Variants in ATRNL1 observed in about 807,000 individuals in gnomAD.
ATRNL1 encodes the protein attractin like 1.
ATRNL1 carries 95 observed loss-of-function variants against 182.7 expected under a neutral mutation model. The observed-to-expected ratio is 0.52, with a 90% CI of 0.44 to 0.62. The LOEUF (loss-of-function observed/expected upper bound fraction) is 0.62, where lower values mean the gene tolerates loss of function less well. Ranked by LOEUF, ATRNL1 falls within the 20% of genes least tolerant of loss-of-function variation. The pLI, the probability that ATRNL1 is intolerant of heterozygous loss-of-function variation, is 0.00. For synonymous variants in ATRNL1, 576 were observed against 568.3 expected, an observed-to-expected ratio of 1.01 and a Z score of -0.19; for missense variants, 1,471 against 1,679.5, an observed-to-expected ratio of 0.88 and a Z score of 2.17.
intron 28 of ATRNL1, among the ~76,000 whole-genome samples, chr10:115,929,696 C>G (rs2134588814): frequency 6.6e-6 from 1 of 152,090 alleles, no homozygotes; most frequent in Middle Eastern, 3.4e-3. Context: ...TAGTTTTTAT[C>G]TTGGCTGCCT....
intron 26 of ATRNL1, among the ~76,000 whole-genome samples, chr10:115,722,001 C>T (rs1333745070): frequency 1.3e-5 from 2 of 152,052 alleles, no homozygotes; most frequent in Non-Finnish European, 2.9e-5. Context: ...GAAAAAATAA[C>T]TAATCTTAAG....
At chr10:115,372,583 A>C (rs1186708042) in intron 19 of ATRNL1, among the ~76,000 whole-genome samples, 1 of 152,170 alleles carries the variant, frequency 6.6e-6, no homozygotes, top group African/African-American at 2.4e-5. Flanking sequence ...TTTCATTCTT[A>C]TGCATGTAAA....
At chr10:115,415,307 G>A (rs557080152) in intron 20 of ATRNL1, among the ~76,000 whole-genome samples, 1 of 151,994 alleles carries the variant, frequency 6.6e-6, no homozygotes, top group South Asian at 2.1e-4. Flanking sequence ...TTTTCATGTG[G>A]TTAAGAGCCA....
At chr10:115,210,853 T>A (rs529598171) in intron 8 of ATRNL1, among the ~76,000 whole-genome samples, 2 of 152,148 alleles carry the variant, frequency 1.3e-5, no homozygotes, top group Non-Finnish European at 2.9e-5. Flanking sequence ...ATTTACCACC[T>A]CAGGTGAGAT....
intron 19 of ATRNL1, among the ~76,000 whole-genome samples, chr10:115,393,553 G>A (rs1554954840): frequency 6.6e-6 from 1 of 152,116 alleles, no homozygotes; most frequent in African/African-American, 2.4e-5. Context: ...AAGAACAGCA[G>A]TAGTTCTCAT....
At chr10:115,232,837 T>C (rs1850014922) in intron 9 of ATRNL1, among the ~76,000 whole-genome samples, 1 of 152,168 alleles carries the variant, frequency 6.6e-6, no homozygotes, top group African/African-American at 2.4e-5. Context: ...ATATTTTATA[T>C]GCTTTTCTAG....
chr10:115,595,781 G>C (rs1011611046), intron 26 of ATRNL1, among the ~76,000 whole-genome samples: 12 of 18,588 alleles, frequency 6.5e-4, no homozygotes, highest in Admixed American at 2.1e-3. Context: ...TTACAATTTG[G>C]TCTCAATTTG....
At chr10:115,448,854 C>CCACCAA (rs377116036) in intron 21 of ATRNL1, among the ~76,000 whole-genome samples, 4 of 150,104 alleles carry the variant, frequency 2.7e-5, no homozygotes, top group African/African-American at 9.8e-5. Context: ...AGCGTGCCAA[C>CCACCAA]CAACAACAAC....
intron 26 of ATRNL1, among the ~76,000 whole-genome samples, chr10:115,680,896 C>A (rs1448434617): frequency 6.6e-6 from 1 of 152,070 alleles, no homozygotes; most frequent in Non-Finnish European, 1.5e-5. Flanking sequence ...ACACTTGGGA[C>A]ATTTATTAGA....
intron 27 of ATRNL1, among the ~76,000 whole-genome samples, chr10:115,817,877 G>GGT (rs1386875589): frequency 7.5e-6 from 1 of 133,882 alleles, no homozygotes; most frequent in African/African-American, 2.8e-5. Flanking sequence ...TTTACGTTGT[G>GGT]TTTTTTTTTT....
intron 27 of ATRNL1, among the ~76,000 whole-genome samples, chr10:115,772,593 CTGTCTGTGTGTGTGTG>C (rs1257403839): frequency 2.3e-4 from 29 of 125,668 alleles, no homozygotes; most frequent in South Asian, 5.0e-4. Flanking sequence ...AATATATACT[CTGTCTGTGTGTGTGTG>C]TGTGTGTGTG....
chr10:115,159,857 C>T (rs1333020463), intron 5 of ATRNL1, among the ~76,000 whole-genome samples, 183 bp from the exon 6 acceptor site: 4 of 151,642 alleles, frequency 2.6e-5, no homozygotes, highest in African/African-American at 9.6e-5. Context: ...TGACTTTTTT[C>T]ACCTCTAAGC....
At chr10:115,598,349 A>AT (rs60415643) in intron 26 of ATRNL1, among the ~76,000 whole-genome samples, 2 of 140,486 alleles carry the variant, frequency 1.4e-5, no homozygotes, top group African/African-American at 5.3e-5. Flanking sequence ...TATTTAAAAA[A>AT]ATTATTTATT....
At chr10:115,408,073 G>A (rs1180599493) in intron 20 of ATRNL1, among the ~76,000 whole-genome samples, 2 of 139,744 alleles carry the variant, frequency 1.4e-5, no homozygotes, top group East Asian at 4.3e-4. Context: ...GCGCAATCTC[G>A]GCTCACTGCA....
At chr10:115,657,372 C>T (rs1466550493) in intron 26 of ATRNL1, among the ~76,000 whole-genome samples, 1 of 152,044 alleles carries the variant, frequency 6.6e-6, no homozygotes, top group South Asian at 2.1e-4. Context: ...CATTGCAGTA[C>T]AGTGACATTT....
intron 8 of ATRNL1, among the ~76,000 whole-genome samples, chr10:115,189,573 GA>G (rs1311951073): frequency 2.0e-5 from 3 of 151,742 alleles, no homozygotes; most frequent in Non-Finnish European, 4.4e-5. Flanking sequence ...AATAAAAAGT[GA>G]AAAAATAGGA....
At chr10:115,464,000 C>A (rs1184441816) in intron 22 of ATRNL1, among the ~76,000 whole-genome samples, 1 of 152,026 alleles carries the variant, frequency 6.6e-6, no homozygotes, top group Non-Finnish European at 1.5e-5. Context: ...AGATTAGCCA[C>A]AATTCTAGTT....
chr10:115,438,142 A>G (rs1354047252), intron 21 of ATRNL1, among the ~76,000 whole-genome samples: 4 of 152,032 alleles, frequency 2.6e-5, no homozygotes, highest in Non-Finnish European at 5.9e-5. Flanking sequence ...TTCAAAATTT[A>G]TATCTAAGAA....
intron 28 of ATRNL1, among the ~76,000 whole-genome samples, chr10:115,899,542 A>G (rs1322493495): frequency 2.0e-5 from 3 of 152,172 alleles, no homozygotes; most frequent in African/African-American, 7.2e-5. Context: ...TCCCAACCTC[A>G]GGTGATCTGC....
Sources: gnomAD v4.1 joint callset for allele counts (sites outside exome capture counted in the v4.1 genomes callset) on GRCh38, gnomAD v4.1.1 for gene constraint, MANE v1.5 for transcripts, NCBI Gene and HGNC (gene_info 2026-07-23, HGNC 2026-07-21) for gene names.